PHLPP1: variants seen among roughly 807,000 people sequenced by gnomAD.
PHLPP1 encodes PH domain leucine-rich repeat-containing protein phosphatase 1.
In PHLPP1, 42 loss-of-function variants were observed where a neutral mutation model predicts 117.2. That is an observed-to-expected ratio of 0.36 (90% CI 0.28 to 0.46). The LOEUF is 0.46. PHLPP1 is among the 20% of genes least tolerant of loss of function. The pLI is 1.00. For missense variants in PHLPP1, 2,084 were observed against 2,241.9 expected (o/e 0.93, Z 1.42); for synonymous variants, 1,042 against 970.7 (o/e 1.07, Z -1.37).
intron 4 of PHLPP1, among the ~76,000 whole-genome samples, chr18:62,881,264 G>GT (rs1015989566): frequency 8.6e-5 from 13 of 151,712 alleles, no homozygotes; most frequent in African/African-American, 1.5e-4. Flanking sequence ...ATAATAAAGG[G>GT]TTTTTTTTAA....
intron 1 of PHLPP1, among the ~76,000 whole-genome samples, chr18:62,796,477 G>T (rs963019300): frequency 2.6e-5 from 4 of 152,194 alleles, no homozygotes; most frequent in Non-Finnish European, 5.9e-5. Flanking sequence ...TAGAGGAGAG[G>T]AAGGAATTGT....
chr18:62,838,961 G>A (rs1262268391), intron 3 of PHLPP1, 52 bp downstream of exon 3: 5 of 1,600,260 alleles, frequency 3.1e-6, no homozygotes, highest in Admixed American at 3.4e-5. Context: ...TGGCTACAAA[G>A]TTCCTTTCTG....
intron 10 of PHLPP1, among the ~76,000 whole-genome samples, chr18:62,931,579 T>C (rs1909808047): frequency 6.9e-6 from 1 of 145,090 alleles, no homozygotes; most frequent in South Asian, 2.2e-4. Flanking sequence ...ACAAGATTGA[T>C]AGACTACTCG....
chr18:62,717,378 G>T, intron 1 of PHLPP1, 119 bp downstream of exon 1: 1 of 1,341,104 alleles, frequency 7.5e-7, no homozygotes, highest in Non-Finnish European at 9.9e-7. Flanking sequence ...ATGAGTCTTT[G>T]TCTTAAACTT....
intron 3 of PHLPP1, among the ~76,000 whole-genome samples, chr18:62,844,504 A>G (rs1319557703): frequency 6.6e-6 from 1 of 152,142 alleles, no homozygotes; most frequent in Non-Finnish European, 1.5e-5. Flanking sequence ...TAACCCCCAC[A>G]CACCTGTGAC....
chr18:62,759,810 A>G (rs2144246489), intron 1 of PHLPP1, among the ~76,000 whole-genome samples: 1 of 152,224 alleles, frequency 6.6e-6, no homozygotes, highest in Middle Eastern at 3.4e-3. Context: ...ATCATTAGCT[A>G]TATTGTTCCT....
chr18:62,810,883 C>T (rs1354124002), intron 1 of PHLPP1, among the ~76,000 whole-genome samples: 1 of 151,928 alleles, frequency 6.6e-6, no homozygotes, highest in African/African-American at 2.4e-5. Context: ...GTTTATTGTC[C>T]CCCAATTCTG....
intron 1 of PHLPP1, among the ~76,000 whole-genome samples, chr18:62,732,964 A>G (rs1044166751): frequency 6.6e-6 from 1 of 152,236 alleles, no homozygotes. Flanking sequence ...TCTTATGGAC[A>G]AGCAAAGAAA....
At chr18:62,784,825 G>A (rs539275976) in intron 1 of PHLPP1, among the ~76,000 whole-genome samples, 1 of 152,206 alleles carries the variant, frequency 6.6e-6, no homozygotes, top group Non-Finnish European at 1.5e-5. Context: ...CCTTTTTGAC[G>A]TAGTTGCCGT....
chr18:62,851,003 T>C (rs1765361070), intron 3 of PHLPP1, among the ~76,000 whole-genome samples: 1 of 152,224 alleles, frequency 6.6e-6, no homozygotes, highest in South Asian at 2.1e-4. Flanking sequence ...TTTAGTGAAT[T>C]ACAGTTATTT....
At chr18:62,879,982 C>A (rs774707483) in intron 4 of PHLPP1, among the ~76,000 whole-genome samples, 1 of 152,070 alleles carries the variant, frequency 6.6e-6, no homozygotes, top group Admixed American at 6.5e-5. Flanking sequence ...CCCCCACCCC[C>A]CAATGCCGCC....
intron 4 of PHLPP1, among the ~76,000 whole-genome samples, chr18:62,882,453 A>G (rs1042535883): frequency 1.3e-5 from 2 of 151,738 alleles, no homozygotes; most frequent in Admixed American, 1.3e-4. Context: ...TTGTATTTTT[A>G]GTAGAGACGG....
intron 1 of PHLPP1, among the ~76,000 whole-genome samples, chr18:62,737,422 C>T (rs775213957): frequency 6.6e-6 from 1 of 152,196 alleles, no homozygotes; most frequent in Non-Finnish European, 1.5e-5. Context: ...GATTTGTAGT[C>T]TTTGGCATTA....
intron 4 of PHLPP1, among the ~76,000 whole-genome samples, chr18:62,863,619 T>C (rs796123326): frequency 3.9e-5 from 6 of 152,308 alleles, no homozygotes; most frequent in African/African-American, 9.6e-5. Flanking sequence ...TTTTAGACCA[T>C]ATAGAGTAAC....
At chr18:62,884,597 A>T (rs996673290) in intron 4 of PHLPP1, among the ~76,000 whole-genome samples, 6 of 152,270 alleles carry the variant, frequency 3.9e-5, no homozygotes, top group Non-Finnish European at 7.3e-5. Context: ...GCCGTTGAGC[A>T]GCTCCTTCAT....
intron 1 of PHLPP1, among the ~76,000 whole-genome samples, chr18:62,729,306 GTGT>G (rs1911164994): frequency 6.6e-6 from 1 of 152,206 alleles, no homozygotes; most frequent in Non-Finnish European, 1.5e-5. Context: ...GCTTTTAGTT[GTGT>G]TGCAGAAGTT....
intron 6 of PHLPP1, among the ~76,000 whole-genome samples, chr18:62,898,751 T>C (rs574166630): frequency 1.3e-5 from 2 of 152,158 alleles, no homozygotes; most frequent in Non-Finnish European, 2.9e-5. Flanking sequence ...ACGAGTTGAT[T>C]CTTGCTGTAC....
chr18:62,903,209 G>T, intron 7 of PHLPP1, 43 bp downstream of exon 7: 1 of 1,276,948 alleles, frequency 7.8e-7, no homozygotes, highest in Non-Finnish European at 1.1e-6. Flanking sequence ...TTTGGTTCCA[G>T]GAATTTACCC....
intron 1 of PHLPP1, among the ~76,000 whole-genome samples, chr18:62,745,635 T>C (rs1396404761): frequency 6.6e-6 from 1 of 152,220 alleles, no homozygotes; most frequent in East Asian, 1.9e-4. Flanking sequence ...GGAGTAATTT[T>C]AATAGTACCA....
Sources: allele counts gnomAD v4.1 joint callset (sites outside exome capture counted in the v4.1 genomes callset), GRCh38; gene constraint gnomAD v4.1.1; transcripts MANE v1.5; gene names NCBI Gene and HGNC (gene_info 2026-07-23, HGNC 2026-07-21).